The following MACIR variants were observed in gnomAD, a reference collection of about 807,000 sequenced individuals.
The protein encoded by MACIR is macrophage immunometabolism regulator, also known as UNC119-binding protein C5orf30.
In MACIR, 4 loss-of-function variants were observed where a neutral mutation model predicts 14.3. The observed-to-expected ratio is 0.28, with a 90% CI of 0.14 to 0.64. MACIR has a LOEUF of 0.64. Among genes scored for constraint, MACIR ranks in the 30% least tolerant of loss-of-function variants. The pLI, the probability that MACIR is intolerant of heterozygous loss-of-function variation, is 0.83. For synonymous variants in MACIR, 101 were observed against 102.4 expected, an observed-to-expected ratio of 0.99 and a Z score of 0.08; for missense variants, 228 against 257.6, an observed-to-expected ratio of 0.89 and a Z score of 0.79.
chr5:103,262,465 T>C (rs906060748), intron 1 of MACIR, among the ~76,000 whole-genome samples: 2 of 152,244 alleles, frequency 1.3e-5, no homozygotes, highest in Non-Finnish European at 2.9e-5. Flanking sequence ...TCAATAATTA[T>C]GCCAGGGTAT....
chr5:103,265,306 C>G (rs373670412), intron 1 of MACIR, among the ~76,000 whole-genome samples: 6 of 152,040 alleles, frequency 3.9e-5, no homozygotes, highest in African/African-American at 1.4e-4. Context: ...TACAATGAGT[C>G]GATACCAAAA....
At chr5:103,262,630 G>C (rs1554236399) in intron 1 of MACIR, among the ~76,000 whole-genome samples, 1 of 152,184 alleles carries the variant, frequency 6.6e-6, no homozygotes, top group African/African-American at 2.4e-5. Flanking sequence ...GAAATGTTGG[G>C]TGTCTTTTGC....
At chr5:103,259,598 C>T (rs1437521423) in intron 1 of MACIR, 2 of 152,428 alleles carry the variant, frequency 1.3e-5, no homozygotes, top group African/African-American at 4.8e-5. Context: ...GCCGACCCTC[C>T]TCGTCCTGGT....
At chr5:103,268,363 T>A (rs1467464452) in intron 2 of MACIR, among the ~76,000 whole-genome samples, 1 of 152,134 alleles carries the variant, frequency 6.6e-6, no homozygotes, top group Non-Finnish European at 1.5e-5. Flanking sequence ...CAGCACAGAT[T>A]TATTTTTATT....
At chr5:103,265,662 C>T (rs1554236693) in intron 1 of MACIR, among the ~76,000 whole-genome samples, 1 of 152,084 alleles carries the variant, frequency 6.6e-6, no homozygotes, top group African/African-American at 2.4e-5. Context: ...GTTAGGTACT[C>T]CTAGTCTCTA....
At chr5:103,268,483 A>G (rs1805006797) in intron 2 of MACIR, among the ~76,000 whole-genome samples, 1 of 152,204 alleles carries the variant, frequency 6.6e-6, no homozygotes, top group Non-Finnish European at 1.5e-5. Context: ...ATAAGCAGCC[A>G]AAAATTATGT....
intron 1 of MACIR, among the ~76,000 whole-genome samples, chr5:103,261,137 G>T (rs1554236226): frequency 2.0e-5 from 3 of 152,116 alleles, no homozygotes. Flanking sequence ...TTAAGGGGGT[G>T]GATTGCTATT....
intron 2 of MACIR, among the ~76,000 whole-genome samples, chr5:103,273,773 C>T (rs782364366): frequency 2.0e-4 from 30 of 152,102 alleles, no homozygotes; most frequent in African/African-American, 5.8e-4. Flanking sequence ...GAATTATTAC[C>T]CAATTTGGAA....
intron 2 of MACIR, among the ~76,000 whole-genome samples, chr5:103,269,232 A>AAAC (rs1562549068): frequency 5.3e-5 from 8 of 151,910 alleles, no homozygotes; most frequent in South Asian, 2.1e-4. Flanking sequence ...AACAAACAAA[A>AAAC]AACACAAAAA....
chr5:103,274,479 T>A (rs1805248452), intron 2 of MACIR, among the ~76,000 whole-genome samples: 1 of 151,776 alleles, frequency 6.6e-6, no homozygotes, highest in African/African-American at 2.4e-5. Context: ...TAGTCTAAGG[T>A]TGAGAATAAA....
rs374378302 is a variant in MACIR, at chr5:103,276,579, A to G, written c.*39A>G. The G allele has an allele frequency of 1.9e-5, 30 of 1,556,312 alleles. No homozygotes were observed. The highest frequency in any genetic ancestry group is 2.6e-5 in the Non-Finnish European group (30 of 1,155,266). On this transcript the variant is annotated 3_prime_UTR_variant, in exon 3 of 3. Coordinates refer to ENST00000319933, the MANE Select transcript of MACIR (RefSeq NM_033211.4). ...AGCTTAAACCAATTTAGGTCAGCCT[A>G]CGCTTGGCTAGAAAAAACCCACTGC... is the stretch of plus-strand genomic sequence containing the variant.
chr5:103,271,756 T>G (rs1302915241), intron 2 of MACIR, among the ~76,000 whole-genome samples: 1 of 152,198 alleles, frequency 6.6e-6, no homozygotes, highest in Non-Finnish European at 1.5e-5. Context: ...CATTGTTCAA[T>G]TACAAGTTGA....
At chr5:103,262,794 T>C (rs1043340042) in intron 1 of MACIR, among the ~76,000 whole-genome samples, 2 of 152,204 alleles carry the variant, frequency 1.3e-5, no homozygotes, top group South Asian at 4.1e-4. Context: ...TTGTAGCCTT[T>C]GCTCTATTTA....
In MACIR at chr5:103,276,793, A is replaced by C. The variant is rs1171243162; in HGVS notation, c.*253A>C. 5.8e-6 allele frequency: 2 copies of C among 342,500 alleles called. No homozygotes were observed. The highest frequency in any genetic ancestry group is 1.1e-5 in the Non-Finnish European group (2 of 180,784). The allele number at this position is 342,500 out of a possible 1,614,324, so 21.2% of individuals were successfully genotyped here. ...TGACTGTTAGTTTGTATAGCTTTTT[A>C]GCTAGGAAAAAAAGGCTTTGGTACA... On this transcript the variant is annotated 3_prime_UTR_variant, in exon 3 of 3. Transcript: ENST00000319933.
chr5:103,264,440 AT>A (rs1804849541), intron 1 of MACIR, among the ~76,000 whole-genome samples: 2 of 152,284 alleles, frequency 1.3e-5, no homozygotes, highest in East Asian at 3.9e-4. Flanking sequence ...AATCCATTAA[AT>A]AAGAAATGCA....
chr5:103,265,243 C>A (rs1245962730), intron 1 of MACIR, among the ~76,000 whole-genome samples: 2 of 152,134 alleles, frequency 1.3e-5, no homozygotes, highest in Non-Finnish European at 2.9e-5. Context: ...GACTTCTAAT[C>A]ATTTGCCTCG....
At chr5:103,258,640 G>C (rs571423737), upstream of MACIR, 3 of 153,098 alleles carry the variant, frequency 2.0e-5, no homozygotes, top group South Asian at 1.8e-4. Context: ...CAGCGCTGAC[G>C]GGCTGCGCCT....
intron 2 of MACIR, among the ~76,000 whole-genome samples, chr5:103,270,590 G>A (rs1041761037): frequency 5.9e-5 from 9 of 152,212 alleles, no homozygotes; most frequent in South Asian, 2.1e-4. Context: ...AATCACTTGA[G>A]CAGGTTATTG....
chr5:103,274,737 A>G (rs1389011942), intron 2 of MACIR, among the ~76,000 whole-genome samples: 1 of 152,060 alleles, frequency 6.6e-6, no homozygotes, highest in Non-Finnish European at 1.5e-5. Flanking sequence ...GGAAGTGGTT[A>G]TTTGTCTAGT....
Sources: allele counts gnomAD v4.1 joint callset (sites outside exome capture counted in the v4.1 genomes callset), GRCh38; gene constraint gnomAD v4.1.1; transcripts MANE v1.5; gene names NCBI Gene and HGNC (gene_info 2026-07-23, HGNC 2026-07-21).